PAPPA: variants seen among roughly 807,000 people sequenced by gnomAD.
The protein encoded by PAPPA is pappalysin-1.
PAPPA carries 60 observed loss-of-function variants against 164.0 expected under a neutral mutation model. The observed-to-expected ratio is 0.37, with a 90% CI of 0.30 to 0.45. The LOEUF is 0.45. Ranked by LOEUF, PAPPA falls within the 20% of genes least tolerant of loss-of-function variation. The pLI is 1.00. For synonymous variants in PAPPA, 875 were observed against 814.1 expected, an observed-to-expected ratio of 1.07 and a Z score of -1.27; for missense variants, 1,782 against 2,087.3, an observed-to-expected ratio of 0.85 and a Z score of 2.85.
chr9:116,235,535 T>A lies in PAPPA; in HGVS notation c.2630T>A (p.Leu877His). Residue 877 changes from leucine to histidine, a missense_variant, in exon 7 of 22, where the codon CTC becomes CAC. Transcript: ENST00000328252. ...AMLTSTADTPLCLQCKPLKYK... is the reference protein window; with the variant it reads ...AMLTSTADTPHCLQCKPLKYK... ...TTGACCTCCACTGCAGACACCCCAC[T>A]CTGTCTACAGTGTAAGCCCCTGAAG... 1.2e-6 allele frequency: 2 copies of A among 1,613,618 alleles called. No individual in the cohort carries two copies. Among genetic ancestry groups the A allele is most frequent in the Non-Finnish European group, 1.7e-6 (2 of 1,179,944 alleles).
In PAPPA at chr9:116,290,362, C is replaced by T. The variant is rs571972971; in HGVS notation, c.2954-12395C>T. ...CTTCATTTTGCTGATCATGTTTCTCCATCTTTTTTTTTTTTTCATGTTTCC... is the reference window on the plus strand; with the variant it reads ...CTTCATTTTGCTGATCATGTTTCTCTATCTTTTTTTTTTTTTCATGTTTCC... On this transcript the variant is annotated intron_variant, in intron 9 of 21. Coordinates refer to ENST00000328252, the MANE Select transcript of PAPPA (RefSeq NM_002581.5). Among the ~76,000 whole-genome samples the T allele has an allele frequency of 1.3e-4, 10 of 76,518 alleles. No individual in the cohort carries two copies. The East Asian group carries it at 4.2e-3, about 32-fold the overall frequency. 50.2% of individuals were successfully genotyped at this position (76,518 alleles called of 152,430 possible).
At chr9:116,234,234 C>G (rs1844632589) in intron 6 of PAPPA, among the ~76,000 whole-genome samples, 1 of 152,160 alleles carries the variant, frequency 6.6e-6, no homozygotes, top group Admixed American at 6.5e-5. Flanking sequence ...TCAGAAGTCG[C>G]TGCAGGCTGA....
intron 10 of PAPPA, among the ~76,000 whole-genome samples, chr9:116,310,627 T>C (rs929199847): frequency 6.6e-6 from 1 of 152,208 alleles, no homozygotes. Context: ...CAAAGAGATC[T>C]ACTAGATTCT....
intron 6 of PAPPA, among the ~76,000 whole-genome samples, chr9:116,230,309 T>C: frequency 6.6e-6 from 1 of 152,250 alleles, no homozygotes; most frequent in East Asian, 1.9e-4. Context: ...ATTCTCATCC[T>C]ATTTATCTTC....
chr9:116,196,055 C>A (rs2118649520), intron 2 of PAPPA, among the ~76,000 whole-genome samples: 1 of 152,244 alleles, frequency 6.6e-6, no homozygotes, highest in East Asian at 1.9e-4. Context: ...AGGGAAGGAA[C>A]TGGAAGCTGG....
chr9:116,396,756 A>G lies in PAPPA; in HGVS notation c.*140A>G, dbSNP rs1369551837. ...ACCCAACCGGTCTGCCTTTAATTTT[A>G]CCCAGGAAGGACTCACATTGGGGCG... On this transcript the variant is annotated 3_prime_UTR_variant, in exon 22 of 22. Coordinates refer to ENST00000328252, the MANE Select transcript of PAPPA (RefSeq NM_002581.5). The G allele has an allele frequency of 3.3e-6, 2 of 611,540 alleles. No homozygotes were observed. Among genetic ancestry groups the G allele is most frequent in the Non-Finnish European group, 5.9e-6 (2 of 339,090 alleles). 37.9% of individuals were successfully genotyped at this position (611,540 alleles called of 1,614,324 possible).
intron 14 of PAPPA, among the ~76,000 whole-genome samples, chr9:116,345,962 C>A (rs1399388803): frequency 1.3e-5 from 2 of 152,192 alleles, no homozygotes; most frequent in Non-Finnish European, 2.9e-5. Context: ...ACATTCCTTA[C>A]TGCTGGGAAT....
At chr9:116,321,270 G>A (rs1210685610) in intron 10 of PAPPA, among the ~76,000 whole-genome samples, 2 of 151,784 alleles carry the variant, frequency 1.3e-5, no homozygotes, top group Admixed American at 6.6e-5. Context: ...CTCGTGATCC[G>A]CCCGCCTCAG....
At chr9:116,288,145 C>T (rs562355097) in intron 9 of PAPPA, among the ~76,000 whole-genome samples, 5 of 152,216 alleles carry the variant, frequency 3.3e-5, no homozygotes, top group South Asian at 4.2e-4. Flanking sequence ...CTGAAATGGG[C>T]GGATCACGAG....
rs1449068795 is a variant in PAPPA, at chr9:116,397,754, G to A, written c.*1138G>A. 6.6e-6 allele frequency: 1 copy of A among 152,666 alleles called. No homozygotes were observed. The highest frequency in any genetic ancestry group is 6.5e-5 in the Admixed American group (1 of 15,282). 9.5% of individuals were successfully genotyped at this position (152,666 alleles called of 1,614,324 possible). On this transcript the variant is annotated 3_prime_UTR_variant, in exon 22 of 22. Transcript: ENST00000328252. ...TTAGATTTTGTAAACAAGTGGAACA[G>A]TGTTAAATTTCTATGATGTTGGAGC...
At chr9:116,229,325 A>T (rs1268762630) in intron 6 of PAPPA, among the ~76,000 whole-genome samples, 2 of 152,204 alleles carry the variant, frequency 1.3e-5, no homozygotes, top group African/African-American at 4.8e-5. Context: ...ATTACATATG[A>T]CATCATTTGC....
At chr9:116,211,546 G>C in intron 3 of PAPPA, 93 bp from the exon 4 acceptor site, 1 of 1,087,194 alleles carries the variant, frequency 9.2e-7, no homozygotes, top group South Asian at 1.4e-5. Context: ...GTTTATTTTG[G>C]GCAGCATCTC....
chr9:116,345,468 T>G (rs1280262385), intron 14 of PAPPA, among the ~76,000 whole-genome samples: 1 of 152,088 alleles, frequency 6.6e-6, no homozygotes, highest in African/African-American at 2.4e-5. Flanking sequence ...CCACAGATTT[T>G]TTTGTTTGTT....
At chr9:116,229,756 G>A (rs923497971) in intron 6 of PAPPA, among the ~76,000 whole-genome samples, 1 of 152,202 alleles carries the variant, frequency 6.6e-6, no homozygotes, top group African/African-American at 2.4e-5. Context: ...GGTTGCTAGA[G>A]GAAGGGAAGC....
At chr9:116,180,183 C>G (rs1160030379) in intron 1 of PAPPA, among the ~76,000 whole-genome samples, 2 of 152,074 alleles carry the variant, frequency 1.3e-5, no homozygotes, top group Non-Finnish European at 2.9e-5. Context: ...TGGTCTAACA[C>G]TCTTATATCC....
rs745323159 is a variant in PAPPA at position 116,187,587 on chromosome 9, G to T, written c.849G>T (p.Gln283His). 2.7e-5 allele frequency: 43 copies of T among 1,614,102 alleles called. No homozygotes were observed. The highest frequency in any genetic ancestry group is 1.4e-5 in the Non-Finnish European group (16 of 1,180,052). Residue 283 changes from glutamine to histidine, a missense_variant, in exon 2 of 22, where the codon CAG becomes CAT. Gln to His is a conservative substitution (Grantham distance 24). This residue lies in a region of PAPPA where 458 missense variants were observed against 430.3 expected (regional missense o/e 1.06). Transcript: ENST00000328252. This position sits in a 1 kb window ranked among gnomAD's most constrained non-coding sequence, Gnocchi z 4.2. The part of the protein sequence containing the change: ...ETHGAHTALP[Q>H]LLLQENWDNV... ...ATGGCGCCCACACTGCTCTACCTCA[G>T]CTCCTCCTCCAGGAGAACTGGGACA...
At chr9:116,316,469 G>A (rs1405534540) in intron 10 of PAPPA, 1 of 152,254 alleles carries the variant, frequency 6.6e-6, no homozygotes, top group Non-Finnish European at 1.5e-5. Flanking sequence ...CGTTTGTGCA[G>A]ATGTCTGTTG....
intron 7 of PAPPA, 88 bp downstream of exon 7, chr9:116,235,725 A>G (rs1844656810): frequency 1.6e-6 from 2 of 1,281,628 alleles, no homozygotes; most frequent in South Asian, 2.5e-5. Flanking sequence ...GACAGGGGGA[A>G]GGTTCATCAC....
At chr9:116,257,815 TAAAAC>T (rs1306423595) in intron 7 of PAPPA, among the ~76,000 whole-genome samples, 1 of 151,872 alleles carries the variant, frequency 6.6e-6, no homozygotes, top group Non-Finnish European at 1.5e-5. Context: ...CTAGAACAAA[TAAAAC>T]AGTCTATGAG....
Sources: gnomAD v4.1 joint callset for allele counts (sites outside exome capture counted in the v4.1 genomes callset) on GRCh38, gnomAD v4.1.1 for gene constraint, gnomAD v4.1.1 regional missense constraint, Gnocchi (gnomAD v3.1) non-coding constraint, MANE v1.5 for transcripts, NCBI Gene and HGNC (gene_info 2026-07-23, HGNC 2026-07-21) for gene names.